The following SNRPN variants were observed in gnomAD, a reference collection of about 807,000 sequenced individuals.
SNRPN encodes the protein small nuclear ribonucleoprotein polypeptide N.
A neutral mutation model predicts 25.2 loss-of-function variants in SNRPN; 7 were observed. The ratio of observed to expected loss-of-function variants is 0.28; its 90% CI spans 0.16 to 0.52. SNRPN has a LOEUF of 0.52. Ranked by LOEUF, SNRPN falls within the 20% of genes least tolerant of loss-of-function variation. The pLI, the probability that SNRPN is intolerant of heterozygous loss-of-function variation, is 0.96. For synonymous variants in SNRPN, 124 were observed against 110.6 expected (o/e 1.12, Z -0.76); for missense variants, 196 against 322.5 (o/e 0.61, Z 3.00).
intron 1 of SNRPN, among the ~76,000 whole-genome samples, chr15:24,859,788 C>A (rs2053819329): frequency 6.6e-6 from 1 of 152,162 alleles, no homozygotes; most frequent in African/African-American, 2.4e-5. Flanking sequence ...TATGCTAAAC[C>A]AAGGGTGGAT....
intron 2 of SNRPN, chr15:24,849,787 T>G (rs1411084448): frequency 6.6e-6 from 1 of 152,180 alleles, no homozygotes; most frequent in African/African-American, 2.4e-5. Context: ...GAATCAAAGA[T>G]TTAAGATTGA....
At chr15:24,947,559 C>T (rs895912884) in intron 3 of SNRPN, among the ~76,000 whole-genome samples, 9 of 152,066 alleles carry the variant, frequency 5.9e-5, no homozygotes, top group African/African-American at 1.9e-4. Flanking sequence ...ACCCGGGAGG[C>T]GGAGGTTGCA....
chr15:24,960,809 A>T (rs1225816599), intron 1 of SNRPN, among the ~76,000 whole-genome samples: 1 of 152,192 alleles, frequency 6.6e-6, no homozygotes, highest in Non-Finnish European at 1.5e-5. Context: ...GGTGTGAGTG[A>T]CATACAAAAG....
intron 2 of SNRPN, among the ~76,000 whole-genome samples, chr15:24,900,013 C>G (rs1042651618): frequency 1.2e-4 from 18 of 152,152 alleles, no homozygotes; most frequent in African/African-American, 3.9e-4. Flanking sequence ...GGGATACTAG[C>G]AACCTATGAC....
intron 3 of SNRPN, among the ~76,000 whole-genome samples, chr15:24,938,826 GGTA>G (rs1021153015): frequency 6.6e-6 from 1 of 152,070 alleles, no homozygotes; most frequent in African/African-American, 2.4e-5. Flanking sequence ...TTGTGCCCTG[GGTA>G]TATAGAATAT....
intron 3 of SNRPN, among the ~76,000 whole-genome samples, chr15:24,923,930 T>A (rs1366963184): frequency 0.021 from 2,800 of 134,750 alleles, 67 homozygotes; most frequent in Middle Eastern, 0.06. Context: ...AACATTTTTT[T>A]TTTTTTTTTT....
chr15:24,895,664 C>G (rs1433792587), intron 2 of SNRPN, among the ~76,000 whole-genome samples: 1 of 152,110 alleles, frequency 6.6e-6, no homozygotes. Context: ...AACAAGACAC[C>G]TCAGTATGAA....
At position 24,916,212 on chromosome 15, in the gene SNRPN, G is replaced by A. The variant is rs781780767; in HGVS notation, c.-504-3799G>A. Among the ~76,000 whole-genome samples the A allele has an allele frequency of 6.6e-5, 10 of 152,122 alleles. No homozygotes were observed. In the South Asian group the frequency reaches 8.3e-4, roughly 13 times the overall value. On this transcript the variant is annotated intron_variant, in intron 2 of 11. Coordinates refer to the SNRPN transcript ENST00000400097. ...CCTGACCTCGTGATCCACCCACCTC[G>A]GCCTCCCAAAGTGCTGGGATTACAG...
At chr15:24,928,825 C>G (rs926354403) in intron 3 of SNRPN, among the ~76,000 whole-genome samples, 2 of 151,962 alleles carry the variant, frequency 1.3e-5, no homozygotes, top group Non-Finnish European at 2.9e-5. Context: ...CCAGGCTAGT[C>G]TCAAACTCCT....
chr15:24,918,402 A>G (rs921402219), intron 2 of SNRPN, among the ~76,000 whole-genome samples: 2 of 74,116 alleles, frequency 2.7e-5, no homozygotes, highest in Non-Finnish European at 5.4e-5. Flanking sequence ...GTGTATATAT[A>G]TAACATAATA....
intron 2 of SNRPN, among the ~76,000 whole-genome samples, chr15:24,889,525 TTG>T (rs1595721261): frequency 6.6e-6 from 1 of 150,932 alleles, no homozygotes; most frequent in East Asian, 2.1e-4. Flanking sequence ...CAGGATGGTC[TTG>T]ATCTCCTGAC....
chr15:24,948,954 T>A (rs1231002462), intron 3 of SNRPN, among the ~76,000 whole-genome samples: 3 of 145,776 alleles, frequency 2.1e-5, no homozygotes, highest in Admixed American at 6.9e-5. Context: ...CTTTCACTCC[T>A]CTCCCATCCC....
intron 1 of SNRPN, among the ~76,000 whole-genome samples, chr15:24,864,765 TTTAA>T (rs1260993657): frequency 6.6e-6 from 1 of 152,136 alleles, no homozygotes; most frequent in Non-Finnish European, 1.5e-5. Flanking sequence ...CAAAATGTTG[TTTAA>T]TTTTCTCTTG....
intron 8 of SNRPN, 31 bp from the exon 9 acceptor site, chr15:24,978,162 A>G (rs2077283924): frequency 2.5e-6 from 4 of 1,600,120 alleles, no homozygotes; most frequent in African/African-American, 1.3e-5. Flanking sequence ...CCATTTTATG[A>G]GGCCTTTATT....
intron 3 of SNRPN, among the ~76,000 whole-genome samples, chr15:24,948,481 C>T (rs1359301422): frequency 1.3e-5 from 2 of 151,982 alleles, no homozygotes; most frequent in Admixed American, 6.6e-5. Flanking sequence ...ATATGTTTCC[C>T]CTATTAACAT....
At chr15:24,968,597 C>T (rs916676550) in intron 3 of SNRPN, among the ~76,000 whole-genome samples, 23 of 152,000 alleles carry the variant, frequency 1.5e-4, no homozygotes, top group Non-Finnish European at 1.0e-4. Flanking sequence ...AATAAAGGGC[C>T]AGTTACAACA....
intron 3 of SNRPN, among the ~76,000 whole-genome samples, chr15:24,930,590 CAAA>C (rs67708507): frequency 2.0e-5 from 2 of 98,354 alleles, no homozygotes; most frequent in African/African-American, 3.9e-5. Context: ...TACAAAAATA[CAAA>C]AAAAAAAAAA....
chr15:24,976,520 T>C (rs2077077248), intron 6 of SNRPN, 104 bp downstream of exon 6: 2 of 826,156 alleles, frequency 2.4e-6, no homozygotes, highest in South Asian at 3.0e-5. Flanking sequence ...ACATGGATTG[T>C]CAAATAAAAT....
intron 2 of SNRPN, chr15:24,909,271 A>G: frequency 6.2e-7 from 1 of 1,600,258 alleles, no homozygotes; most frequent in South Asian, 1.1e-5. Flanking sequence ...TGCTTTCAGA[A>G]CCATAACCAG....
Sources: gnomAD v4.1 joint callset for allele counts (sites outside exome capture counted in the v4.1 genomes callset) on GRCh38, gnomAD v4.1.1 for gene constraint, MANE v1.5 for transcripts, NCBI Gene and HGNC (gene_info 2026-07-23, HGNC 2026-07-21) for gene names.